Variants in STRN4 observed in about 807,000 individuals in gnomAD.
STRN4 encodes striatin 4.
Under a neutral mutation model 77.9 loss-of-function variants are expected in STRN4, and 27 were observed. That is an observed-to-expected ratio of 0.35 (90% CI 0.26 to 0.48). The LOEUF is 0.48. Ranked by LOEUF, STRN4 falls within the 20% of genes least tolerant of loss-of-function variation. The pLI is 0.99. For missense variants in STRN4, 798 were observed against 1,049.7 expected, an observed-to-expected ratio of 0.76 and a Z score of 3.31; for synonymous variants, 466 against 443.1, an observed-to-expected ratio of 1.05 and a Z score of -0.65.
At chr19:46,731,022 G>T in intron 5 of STRN4, 149 bp from the exon 6 acceptor site, 1 of 1,084,930 alleles carries the variant, frequency 9.2e-7, no homozygotes, top group Non-Finnish European at 1.3e-6. Context: ...CACACACAGA[G>T]CCCCAACCCC....
chr19:46,722,817 G>T lies in STRN4; in HGVS notation c.1899C>A (p.Gly633=). ...TGATGTCAGCCCCCTTACCGCTGCTGCCCCGGGACTCCAGCGTGAGGAGGG... is the reference window on the plus strand; with the variant it reads ...TGATGTCAGCCCCCTTACCGCTGCTTCCCCGGGACTCCAGCGTGAGGAGGG... ...GSALLTLESR[G]SSGPTQINQV... The change falls in exon 14 of 18, where the codon GGC becomes GGA. Residue 633 remains glycine, a synonymous_variant. Coordinates refer to ENST00000263280, the MANE Select transcript of STRN4 (RefSeq NM_013403.3). 1 of 1,613,788 alleles carries T rather than the reference G, an allele frequency of 6.2e-7. No individual in the cohort carries two copies. Among genetic ancestry groups the T allele is most frequent in the Non-Finnish European group, 8.5e-7 (1 of 1,179,968 alleles).
intron 6 of STRN4, among the ~76,000 whole-genome samples, chr19:46,730,223 A>G (rs1435884960): frequency 1.3e-5 from 2 of 152,046 alleles, no homozygotes; most frequent in Non-Finnish European, 2.9e-5. Flanking sequence ...TTGGGGTGCG[A>G]CTCTGTGCTG....
rs1350501496 is a variant in STRN4, at chr19:46,736,858, C to G, written c.504G>C (p.Pro168=). ...GCTGCCGCCCCTCCTTCCACACCAACGGGCTGTTCTCCAGGGTGACCGATT... is the reference window on the plus strand; with the variant it reads ...GCTGCCGCCCCTCCTTCCACACCAAGGGGCTGTTCTCCAGGGTGACCGATT... ...PVESVTLENS[P]LVWKEGRQLL... The change falls in exon 4 of 18, where the codon CCG becomes CCC. Residue 168 remains proline (P), a synonymous_variant. Coordinates refer to ENST00000263280, the MANE Select transcript of STRN4 (RefSeq NM_013403.3). The G allele has an allele frequency of 6.2e-7, 1 of 1,613,102 alleles. No individual in the cohort carries two copies. The highest frequency in any genetic ancestry group is 1.3e-5 in the African/African-American group (1 of 74,858).
intron 5 of STRN4, among the ~76,000 whole-genome samples, chr19:46,731,112 C>T (rs2054241378): frequency 6.6e-6 from 1 of 152,190 alleles, no homozygotes; most frequent in African/African-American, 2.4e-5. Flanking sequence ...CAATGACCGC[C>T]GACCTGAGTT....
chr19:46,727,350 C>G, intron 9 of STRN4, 102 bp downstream of exon 9: 1 of 982,280 alleles, frequency 1.0e-6, no homozygotes, highest in Non-Finnish European at 1.6e-6. Context: ...CTCTGTGAAA[C>G]AGGATGAGCA....
chr19:46,720,817 C>T (rs1427569194), intron 16 of STRN4, 46 bp from the exon 17 acceptor site: 2 of 1,503,326 alleles, frequency 1.3e-6, no homozygotes, highest in Non-Finnish European at 1.8e-6. Context: ...GGGCTCCTCG[C>T]TCAGACGCAG....
chr19:46,746,272 G>A lies in STRN4; in HGVS notation c.159C>T (p.Ser53=). The A allele has an allele frequency of 1.4e-6, 2 of 1,465,574 alleles. No individual in the cohort carries two copies. The highest frequency in any genetic ancestry group is 1.8e-6 in the Non-Finnish European group (2 of 1,113,084). 90.8% of individuals were successfully genotyped at this position (1,465,574 alleles called of 1,614,324 possible). A position where few individuals can be genotyped will look rare whatever the true frequency, so the allele number is the denominator to read the frequency against. Residue 53 remains serine (S), a synonymous_variant, in exon 1 of 18, where the codon AGC becomes AGT. Transcript: ENST00000263280. ...GCTCCGGGCCCGCCGTGGGCCCGGG[G>A]CTGCCTCCGCCGCCGCCTCCCTTAC... ...PAGKGGGGGG[S]PGPTAGPEPL...
chr19:46,738,020 G>C lies in STRN4; in HGVS notation c.460+144C>G. The C allele has an allele frequency of 1.2e-6, 1 of 814,302 alleles. No homozygotes were observed. The highest frequency in any genetic ancestry group is 2.0e-6 in the Non-Finnish European group (1 of 488,178). The allele number at this position is 814,302 out of a possible 1,614,324, so 50.4% of individuals were successfully genotyped here. A position where few individuals can be genotyped will look rare whatever the true frequency, so the allele number is the denominator to read the frequency against. On this transcript the variant is annotated intron_variant, in intron 3 of 17. Coordinates refer to ENST00000263280, the MANE Select transcript of STRN4 (RefSeq NM_013403.3). The surrounding 1 kb of genome is among the most constrained non-coding windows in gnomAD (Gnocchi z 4.5). ...AGCCCATAGGGAGGGCTCTGAGAGT[G>C]AGATTCCGCCCCTCCCCAGCCCCGG...
rs1312072605 is a variant in STRN4 at position 46,723,888 on chromosome 19, C to G, written c.1595-604G>C. On this transcript the variant is annotated intron_variant, in intron 12 of 17. Transcript: ENST00000263280. This position sits in a 1 kb window ranked among gnomAD's most constrained non-coding sequence, Gnocchi z 5.5. The stretch of plus-strand genomic sequence containing the variant: ...CCTGTTCTCTAAAGTCTGTCCTCCC[C>G]TTGAGAGGAGACAAAGACCTCTGAA... Among the ~76,000 whole-genome samples, 4 of 152,144 alleles carry G rather than the reference C, an allele frequency of 2.6e-5. No individual in the cohort carries two copies. The highest frequency in any genetic ancestry group is 6.5e-5 in the Admixed American group (1 of 15,268).
At position 46,724,943 on chromosome 19, in the gene STRN4, T is replaced by C; in HGVS notation, c.1473-15A>G. 6.2e-7 allele frequency: 1 copy of C among 1,613,758 alleles called. No homozygotes were observed. The highest frequency in any genetic ancestry group is 8.5e-7 in the Non-Finnish European group (1 of 1,180,012). ...ACACTGGGCCCCTGGAAGGGACAAATATGTGGAAAGGGGGATGAGACAAGC... is the reference window on the plus strand; with the variant it reads ...ACACTGGGCCCCTGGAAGGGACAAACATGTGGAAAGGGGGATGAGACAAGC... On this transcript the variant is annotated splice_polypyrimidine_tract_variant and intron_variant, in intron 11 of 17. Transcript: ENST00000263280.
intron 9 of STRN4, 73 bp from the exon 10 acceptor site, chr19:46,725,721 C>T (rs2054095431): frequency 2.6e-6 from 4 of 1,547,108 alleles, no homozygotes; most frequent in East Asian, 2.3e-5. Context: ...ACACCCAGGG[C>T]TTGAGGGCCC....
At chr19:46,724,224 G>A (rs1005152342) in intron 12 of STRN4, among the ~76,000 whole-genome samples, 1 of 141,314 alleles carries the variant, frequency 7.1e-6, no homozygotes, top group African/African-American at 2.7e-5. Flanking sequence ...TTCCAGCCTG[G>A]GTGACAGAGT....
rs555654977 is a variant in STRN4, at chr19:46,733,120, G to A, written c.656C>T (p.Ala219Val). Residue 219 changes from alanine to valine, a missense_variant, in exon 5 of 18, where the codon GCC becomes GTC. This residue lies in a region of STRN4 where 511 missense variants were observed against 575.9 expected (regional missense o/e 0.89). Transcript: ENST00000263280. The surrounding 1 kb of genome is among the most constrained non-coding windows in gnomAD (Gnocchi z 4.3). The part of the protein sequence containing the change: ...LNGAVEPSEG[A>V]PRAPPGPAGL... ...TGCAGGGCCTGGTGGAGCCCTGGGG[G>A]CCCCTTCACTCGGCTCCACTGCCCC... is the stretch of plus-strand genomic sequence containing the variant. The A allele has an allele frequency of 5.6e-6, 9 of 1,612,858 alleles. No homozygotes were observed. In the East Asian group the frequency reaches 1.3e-4, roughly 24 times the overall value.
chr19:46,729,038 C>T (rs2054189404), intron 6 of STRN4, among the ~76,000 whole-genome samples: 1 of 152,202 alleles, frequency 6.6e-6, no homozygotes, highest in Non-Finnish European at 1.5e-5. Flanking sequence ...CAGCAAGGTG[C>T]CTCGGATGAA....
At chr19:46,721,694 A>G (rs185868231) in intron 16 of STRN4, 8 of 376,764 alleles carry the variant, frequency 2.1e-5, no homozygotes, top group African/African-American at 1.0e-4. Flanking sequence ...CAGAGCTTCA[A>G]TGGCCAAGTT....
In STRN4 at chr19:46,722,790, G is replaced by A. The variant is rs2054011165; in HGVS notation, c.1906+20C>T. The A allele has an allele frequency of 6.2e-7, 1 of 1,612,982 alleles. No homozygotes were observed. The highest frequency in any genetic ancestry group is 8.5e-7 in the Non-Finnish European group (1 of 1,179,444). ...GAAGACACTGAGACCAATTCCATGA[G>A]CTGATGTCAGCCCCCTTACCGCTGC... On this transcript the variant is annotated intron_variant, in intron 14 of 17. Coordinates refer to ENST00000263280, the MANE Select transcript of STRN4 (RefSeq NM_013403.3).
Position 46,725,503 on chromosome 19 carries a change from C to T in STRN4, c.1394G>A (p.Trp465Ter). The stretch of plus-strand genomic sequence containing the variant: ...GGCCGTGACCGCCTTCTGCAGGTTC[C>T]AGAGCTTGAGCGTGCCGTCCTCGGA... ...TASEDGTLKL[W>*]NLQKAVTAKK... The change falls in exon 10 of 18, where the codon TGG (tryptophan) becomes TAG (stop). Residue 465 changes from tryptophan (W) to a stop codon, truncating the protein, a stop_gained. Coordinates refer to ENST00000263280, the MANE Select transcript of STRN4 (RefSeq NM_013403.3). LOFTEE classifies it high-confidence loss of function. 2 of 1,614,154 alleles carry T rather than the reference C, an allele frequency of 1.2e-6. No homozygotes were observed. The highest frequency in any genetic ancestry group is 1.7e-6 in the Non-Finnish European group (2 of 1,180,024).
Position 46,723,599 on chromosome 19 carries a change from AG to A in STRN4, c.1595-316del, listed in dbSNP as rs1203404575. Among the ~76,000 whole-genome samples the A allele has an allele frequency of 6.6e-6, 1 of 152,218 alleles. No individual in the cohort carries two copies. ...ATTTTTCGGGCTCCATTAAGGAAGA[AG>A]GAACAGCATGGTTCTGTGGCCCCAG... On this transcript the variant is annotated intron_variant, in intron 12 of 17. Coordinates refer to ENST00000263280, the MANE Select transcript of STRN4 (RefSeq NM_013403.3). This position sits in a 1 kb window ranked among gnomAD's most constrained non-coding sequence, Gnocchi z 5.5.
At chr19:46,745,018 A>G (rs2054550892) in intron 1 of STRN4, among the ~76,000 whole-genome samples, 1 of 151,586 alleles carries the variant, frequency 6.6e-6, no homozygotes, top group South Asian at 2.1e-4. Context: ...TTCCACAAAC[A>G]TATCCCCTTC....
Sources: gnomAD v4.1 joint callset for allele counts (sites outside exome capture counted in the v4.1 genomes callset) on GRCh38, gnomAD v4.1.1 for gene constraint, gnomAD v4.1.1 regional missense constraint, Gnocchi (gnomAD v3.1) non-coding constraint, MANE v1.5 for transcripts, NCBI Gene and HGNC (gene_info 2026-07-23, HGNC 2026-07-21) for gene names.